The following GALNT17 variants were observed in gnomAD, a reference collection of about 807,000 sequenced individuals.
GALNT17 encodes UDP-GalNAc:polypeptide N-acetylgalactosaminyltransferase-like 3.
Under a neutral mutation model 63.7 loss-of-function variants are expected in GALNT17, and 29 were observed. That is an observed-to-expected ratio of 0.46 (90% CI 0.34 to 0.62). GALNT17 has a LOEUF of 0.62. Among genes scored for constraint, GALNT17 ranks in the 20% least tolerant of loss-of-function variants. The pLI, the probability that GALNT17 is intolerant of heterozygous loss-of-function variation, is 0.01. For synonymous variants in GALNT17, 305 were observed against 318.3 expected (o/e 0.96, Z 0.45); for missense variants, 603 against 799.6 (o/e 0.75, Z 2.97).
intron 1 of GALNT17, among the ~76,000 whole-genome samples, chr7:71,308,040 A>G (rs1791339121): frequency 6.6e-6 from 1 of 151,964 alleles, no homozygotes; most frequent in Non-Finnish European, 1.5e-5. Context: ...ATTTCATCCA[A>G]TTCTGGGAAG....
rs115422604 is a variant in GALNT17 at position 71,519,281 on chromosome 7, G to A, written c.963-52004G>A. Among the ~76,000 whole-genome samples the A allele has an allele frequency of 2.9e-3, 435 of 152,300 alleles. 2 individuals are homozygous for A. Among genetic ancestry groups the A allele is most frequent in the African/African-American group, 9.6e-3 (400 of 41,570 alleles). ...AGGGTCCATTATCTTATGGAAGTCA[G>A]CAGCAGTATTCATTAATTCATCCAA... On this transcript the variant is annotated intron_variant, in intron 5 of 10. Coordinates refer to ENST00000333538, the MANE Select transcript of GALNT17 (RefSeq NM_022479.3).
At chr7:71,199,647 A>G (rs1227116963) in intron 1 of GALNT17, among the ~76,000 whole-genome samples, 1 of 49,854 alleles carries the variant, frequency 2.0e-5, no homozygotes, top group African/African-American at 8.2e-5. Flanking sequence ...CCACCGACCC[A>G]CCCATCCATC....
rs1788636060 is a variant in GALNT17, at chr7:71,176,223, C to G, written c.238+43183C>G. On this transcript the variant is annotated intron_variant, in intron 1 of 10. Transcript: ENST00000333538. ...AATACTGAATTTTAGGATGTAGCCTCTGAAGTCCCCATATACCGCCGCTGT... is the reference window on the plus strand; with the variant it reads ...AATACTGAATTTTAGGATGTAGCCTGTGAAGTCCCCATATACCGCCGCTGT... Among the ~76,000 whole-genome samples, 4 of 152,004 alleles carry G rather than the reference C, an allele frequency of 2.6e-5. No homozygotes were observed. In the South Asian group the frequency reaches 8.3e-4, roughly 32 times the overall value.
At position 71,312,180 on chromosome 7, in the gene GALNT17, G is replaced by T. The variant is rs537421806; in HGVS notation, c.239-23370G>T. On this transcript the variant is annotated intron_variant, in intron 1 of 10. Transcript: ENST00000333538. ...AATTGCCTCTGAGCTGCACTTCTGG[G>T]CAAACTGCCTGGGGTTAGCCCTGCT... 1.1e-4 allele frequency among the ~76,000 whole-genome samples: 16 copies of T among 152,290 alleles called. No individual in the cohort carries two copies. In the East Asian group the frequency reaches 2.7e-3, roughly 26 times the overall value.
At chr7:71,317,136 A>G (rs1431488746) in intron 1 of GALNT17, among the ~76,000 whole-genome samples, 1 of 152,150 alleles carries the variant, frequency 6.6e-6, no homozygotes, top group Non-Finnish European at 1.5e-5. Context: ...TCTTTATGGA[A>G]TATTTACCCC....
At chr7:71,621,394 C>T (rs1386323853) in intron 6 of GALNT17, among the ~76,000 whole-genome samples, 1 of 152,120 alleles carries the variant, frequency 6.6e-6, no homozygotes, top group Non-Finnish European at 1.5e-5. Flanking sequence ...ACCTGCCTAG[C>T]ATGGTGCCCG....
At chr7:71,311,394 G>A (rs951057639) in intron 1 of GALNT17, among the ~76,000 whole-genome samples, 11 of 152,166 alleles carry the variant, frequency 7.2e-5, no homozygotes, top group Admixed American at 7.2e-4. Context: ...AATTGGGGAA[G>A]CATCTTATGT....
intron 6 of GALNT17, among the ~76,000 whole-genome samples, chr7:71,612,603 T>A (rs1356019293): frequency 2.6e-5 from 4 of 152,220 alleles, no homozygotes; most frequent in Admixed American, 2.0e-4. Flanking sequence ...AATTGCTTGA[T>A]AGGATGAGAA....
intron 1 of GALNT17, among the ~76,000 whole-genome samples, chr7:71,247,571 C>T (rs1375171611): frequency 6.6e-6 from 1 of 152,172 alleles, no homozygotes; most frequent in Non-Finnish European, 1.5e-5. Flanking sequence ...ATTTTCCTGC[C>T]TCAGCCTCCC....
intron 5 of GALNT17, among the ~76,000 whole-genome samples, chr7:71,447,596 G>C (rs988706858): frequency 1.3e-5 from 2 of 152,082 alleles, no homozygotes; most frequent in Non-Finnish European, 2.9e-5. Context: ...TGCAACCCCA[G>C]AATAGCTGAA....
At chr7:71,558,036 T>G (rs991390568) in intron 5 of GALNT17, among the ~76,000 whole-genome samples, 1 of 152,182 alleles carries the variant, frequency 6.6e-6, no homozygotes, top group Non-Finnish European at 1.5e-5. Flanking sequence ...ATCACGCCAC[T>G]GCACTCCAGC....
At chr7:71,679,174 G>A (rs1380781880) in intron 9 of GALNT17, among the ~76,000 whole-genome samples, 1 of 152,006 alleles carries the variant, frequency 6.6e-6, no homozygotes, top group Non-Finnish European at 1.5e-5. Context: ...GGCTGTGATG[G>A]CTGAGGCGGG....
At chr7:71,509,514 A>G (rs1256986133) in intron 5 of GALNT17, among the ~76,000 whole-genome samples, 1 of 152,248 alleles carries the variant, frequency 6.6e-6, no homozygotes. Context: ...TATGTTGACC[A>G]AGTGGGTATA....
chr7:71,433,405 G>A (rs1272062216), intron 5 of GALNT17, among the ~76,000 whole-genome samples: 1 of 152,222 alleles, frequency 6.6e-6, no homozygotes, highest in Non-Finnish European at 1.5e-5. Flanking sequence ...ATGGGGCTTT[G>A]GGGTAGAAGT....
intron 2 of GALNT17, among the ~76,000 whole-genome samples, chr7:71,343,712 C>T (rs953880565): frequency 6.6e-6 from 1 of 152,126 alleles, no homozygotes; most frequent in African/African-American, 2.4e-5. Context: ...ACCCTTCCTT[C>T]TAGAGTTTAT....
intron 1 of GALNT17, among the ~76,000 whole-genome samples, chr7:71,149,516 C>A (rs60487059): frequency 0.016 from 2,459 of 152,128 alleles, 56 homozygotes; most frequent in African/African-American, 0.056. Context: ...ATGCTGTCAA[C>A]TAGGATCAGG....
chr7:71,474,735 G>A (rs1787695611), intron 5 of GALNT17, among the ~76,000 whole-genome samples: 1 of 152,106 alleles, frequency 6.6e-6, no homozygotes, highest in African/African-American at 2.4e-5. Flanking sequence ...GCAATGGGCT[G>A]AAAAATGCCT....
At chr7:71,277,986 T>G (rs995220802) in intron 1 of GALNT17, among the ~76,000 whole-genome samples, 9 of 152,194 alleles carry the variant, frequency 5.9e-5, no homozygotes, top group African/African-American at 1.4e-4. Flanking sequence ...TAATTGAGCT[T>G]CTTTCTCCTG....
intron 1 of GALNT17, among the ~76,000 whole-genome samples, chr7:71,231,943 C>T (rs541730148): frequency 6.6e-6 from 1 of 152,176 alleles, no homozygotes; most frequent in African/African-American, 2.4e-5. Context: ...TTAGGGGAGG[C>T]ACAGGCATTA....
Sources: allele counts gnomAD v4.1 joint callset (sites outside exome capture counted in the v4.1 genomes callset), GRCh38; gene constraint gnomAD v4.1.1; transcripts MANE v1.5; gene names NCBI Gene and HGNC (gene_info 2026-07-23, HGNC 2026-07-21).